Variants in ATM observed in about 807,000 individuals in gnomAD.
ATM encodes serine-protein kinase ATM.
A neutral mutation model predicts 387.0 loss-of-function variants in ATM; 308 were observed. The ratio of observed to expected loss-of-function variants is 0.80; its 90% CI spans 0.73 to 0.87. ATM has a LOEUF of 0.87. ATM is among the 40% of genes least tolerant of loss of function. ATM has a pLI of 0.00. For missense variants in ATM, 3,312 were observed against 3,560.9 expected, an observed-to-expected ratio of 0.93 and a Z score of 1.78; for synonymous variants, 1,156 against 1,187.3, an observed-to-expected ratio of 0.97 and a Z score of 0.54.
At position 108,307,994 on chromosome 11, in the gene ATM, T is replaced by C. The variant is rs1276744102; in HGVS notation, c.5762+10T>C. 3 of 1,596,530 alleles carry C rather than the reference T, an allele frequency of 1.9e-6. No individual in the cohort carries two copies. Among genetic ancestry groups the C allele is most frequent in the Non-Finnish European group, 2.6e-6 (3 of 1,164,282 alleles). ...TGAGAAGACAAAAGAGGTAATGTAA[T>C]GAGTGTTGCTTCTTACGTTTAGGAT... On this transcript the variant is annotated intron_variant, in intron 38 of 62. Coordinates refer to ENST00000675843, the MANE Select transcript of ATM (RefSeq NM_000051.4).
chr11:108,356,219 A>C (rs1374685527), intron 61 of ATM: 1 of 152,126 alleles, frequency 6.6e-6, no homozygotes, highest in African/African-American at 2.4e-5. Context: ...CTCTAAAGTT[A>C]TATTATCTTG....
intron 1 of ATM, chr11:108,224,230 C>T (rs1476406752): frequency 1.3e-5 from 2 of 152,152 alleles, no homozygotes; most frequent in Non-Finnish European, 2.9e-5. Context: ...TTGTAAGTGG[C>T]TGAACCAGGA....
At chr11:108,287,169 A>C in intron 26 of ATM, 1 of 156,338 alleles carries the variant, frequency 6.4e-6, no homozygotes, top group South Asian at 1.9e-4. Flanking sequence ...CATTGTTCGC[A>C]GTCCCTGGGA....
chr11:108,251,097 G>C (rs935543588), intron 10 of ATM, 25 bp downstream of exon 10: 2 of 1,613,170 alleles, frequency 1.2e-6, no homozygotes, highest in African/African-American at 1.3e-5. Flanking sequence ...CATTATGTCT[G>C]ACTTACAGAT....
rs1037819286 is a variant in ATM, at chr11:108,316,262, G to A, written c.6198+149G>A. The A allele has an allele frequency of 9.4e-5, 82 of 873,330 alleles. No individual in the cohort carries two copies. In the South Asian group the frequency reaches 1.0e-3, roughly 11 times the overall value. The allele number at this position is 873,330 out of a possible 1,614,324, so 54.1% of individuals were successfully genotyped here. A position where few individuals can be genotyped will look rare whatever the true frequency, so the allele number is the denominator to read the frequency against. On this transcript the variant is annotated intron_variant, in intron 42 of 62. Transcript: ENST00000675843. Reference sequence around the variant, plus strand: ...TCAGAGGATTAGGCTAAACATTCAGGGATACTCCTGAAGCAGAGGGATGCA... The same window carrying A: ...TCAGAGGATTAGGCTAAACATTCAGAGATACTCCTGAAGCAGAGGGATGCA...
rs1454055855 is a variant in ATM at position 108,308,851 on chromosome 11, C to T, written c.5762+867C>T. ...GTGTCTTTGCTTCTGGTTATTTTAC[C>T]TTAGAGTTTTATACCAGATTATCTT... On this transcript the variant is annotated intron_variant, in intron 38 of 62. Coordinates refer to ENST00000675843, the MANE Select transcript of ATM (RefSeq NM_000051.4). 4.7e-5 allele frequency: 28 copies of T among 592,970 alleles called. No homozygotes were observed. In the South Asian group the frequency reaches 4.9e-4, roughly 10 times the overall value. The allele number at this position is 592,970 out of a possible 1,614,324, so 36.7% of individuals were successfully genotyped here.
intron 18 of ATM, among the ~76,000 whole-genome samples, chr11:108,270,518 C>T (rs1485470054): frequency 5.3e-5 from 8 of 152,002 alleles, no homozygotes; most frequent in Admixed American, 3.9e-4. Flanking sequence ...GATGAGGGTA[C>T]GAAGGCCCTA....
Position 108,250,905 on chromosome 11 carries a change from A to G in ATM, c.1440A>G (p.Leu480=), listed in dbSNP as rs370240037. Residue 480 remains leucine (L), a synonymous_variant, in exon 10 of 63, where the codon TTA becomes TTG. Transcript: ENST00000675843. ...TAGAAAGCTCACAAAAGTCAGATTT[A>G]TTAAAACTCTGGAATAAAATTTGGT... ...SNLESSQKSD[L]LKLWNKIWCI... is the part of the protein sequence containing the mutation. 1 of 1,614,080 alleles carries G rather than the reference A, an allele frequency of 6.2e-7. No homozygotes were observed. Among genetic ancestry groups the G allele is most frequent in the Non-Finnish European group, 8.5e-7 (1 of 1,180,026 alleles).
In ATM at chr11:108,280,821, A is replaced by G. The variant is rs371584918; in HGVS notation, c.3403-174A>G. Among the ~76,000 whole-genome samples, 7 of 152,308 alleles carry G rather than the reference A, an allele frequency of 4.6e-5. No individual in the cohort carries two copies. In the East Asian group the frequency reaches 9.6e-4, roughly 21 times the overall value. ...ACATGTCAGTGCTTGTGATTTAGCA[A>G]AGGTATTGGTCCTTACTCTTTCTTG... is the stretch of plus-strand genomic sequence containing the variant. On this transcript the variant is annotated intron_variant, in intron 23 of 62. Coordinates refer to ENST00000675843, the MANE Select transcript of ATM (RefSeq NM_000051.4).
intron 22 of ATM, among the ~76,000 whole-genome samples, chr11:108,279,072 A>C (rs1275848601): frequency 6.6e-6 from 1 of 152,214 alleles, no homozygotes; most frequent in East Asian, 1.9e-4. Flanking sequence ...ACATAAAACA[A>C]AATTTAAATG....
chr11:108,325,248 AGT>A, intron 45 of ATM, 60 bp from the exon 46 acceptor site: 3 of 907,832 alleles, frequency 3.3e-6, no homozygotes, highest in Non-Finnish European at 4.9e-6. Flanking sequence ...GAACTTACAT[AGT>A]TTTTTTTTTT....
In ATM at chr11:108,297,289, A is replaced by G. The variant is rs1183484902; in HGVS notation, c.4912A>G (p.Asn1638Asp). ...AATTTTTAAAAAATTATTTCTAGATAATCCGCAAGATGGGATTATGGTGAA... is the reference window on the plus strand; with the variant it reads ...AATTTTTAAAAAATTATTTCTAGATGATCCGCAAGATGGGATTATGGTGAA... ...MVDIMRASQD[N>D]PQDGIMVKLV... Residue 1638 changes from asparagine to aspartate, a missense_variant and splice_region_variant, in exon 33 of 63, where the codon AAT (asparagine) becomes GAT (aspartate). Coordinates refer to ENST00000675843, the MANE Select transcript of ATM (RefSeq NM_000051.4). 1 of 1,613,410 alleles carries G rather than the reference A, an allele frequency of 6.2e-7. No homozygotes were observed. Among genetic ancestry groups the G allele is most frequent in the African/African-American group, 1.3e-5 (1 of 74,932 alleles).
intron 47 of ATM, among the ~76,000 whole-genome samples, chr11:108,326,798 A>T (rs2085723399): frequency 6.6e-6 from 1 of 152,126 alleles, no homozygotes; most frequent in Non-Finnish European, 1.5e-5. Context: ...TGCTTAGTGA[A>T]TATCAGCTCA....
intron 5 of ATM, among the ~76,000 whole-genome samples, chr11:108,237,552 A>C (rs1202511672): frequency 6.6e-6 from 1 of 151,450 alleles, no homozygotes; most frequent in Non-Finnish European, 1.5e-5. Context: ...CTTTTTTGTC[A>C]AAGTATTTTT....
intron 9 of ATM, among the ~76,000 whole-genome samples, chr11:108,249,641 A>G (rs1412691349): frequency 6.6e-6 from 1 of 152,214 alleles, no homozygotes; most frequent in Non-Finnish European, 1.5e-5. Context: ...GATGTTTAGA[A>G]TTTATCTAGT....
At chr11:108,277,534 A>G (rs900454840) in intron 22 of ATM, among the ~76,000 whole-genome samples, 19 of 152,276 alleles carry the variant, frequency 1.2e-4, no homozygotes, top group Admixed American at 1.3e-4. Flanking sequence ...CGGGTTGCAA[A>G]GACTGCGGGA....
intron 61 of ATM, among the ~76,000 whole-genome samples, chr11:108,362,741 T>C (rs1005389123): frequency 5.7e-5 from 8 of 141,536 alleles, no homozygotes; most frequent in South Asian, 2.4e-4. Context: ...TAGGTGGGAA[T>C]TGAACAATGA....
intron 40 of ATM, among the ~76,000 whole-genome samples, chr11:108,313,930 AT>A (rs1565496016): frequency 6.6e-6 from 1 of 152,112 alleles, no homozygotes; most frequent in Non-Finnish European, 1.5e-5. Context: ...TTTAAACAGA[AT>A]ATATCTTTTC....
intron 54 of ATM, among the ~76,000 whole-genome samples, chr11:108,334,735 C>T (rs138963508): frequency 3.9e-5 from 6 of 152,080 alleles, no homozygotes; most frequent in Admixed American, 3.9e-4. Context: ...TTTATGTTTT[C>T]GTGAGGAGTT....
Sources: gnomAD v4.1 joint callset for allele counts (sites outside exome capture counted in the v4.1 genomes callset) on GRCh38, gnomAD v4.1.1 for gene constraint, MANE v1.5 for transcripts, NCBI Gene and HGNC (gene_info 2026-07-23, HGNC 2026-07-21) for gene names.